The following DCAF1 variants were observed in gnomAD, a reference collection of about 807,000 sequenced individuals.
DCAF1 encodes the protein DDB1 and CUL4 associated factor 1, also known as DDB1- and CUL4-associated factor 1.
DCAF1 carries 15 observed loss-of-function variants against 128.0 expected under a neutral mutation model. That is an observed-to-expected ratio of 0.12 (90% CI 0.08 to 0.18). The LOEUF (loss-of-function observed/expected upper bound fraction) is 0.18, where lower values mean the gene tolerates loss of function less well. DCAF1 is among the 10% of genes least tolerant of loss of function. DCAF1 has a pLI of 1.00. For synonymous variants in DCAF1, 610 were observed against 603.0 expected (o/e 1.01, Z -0.17); for missense variants, 988 against 1,649.5 (o/e 0.60, Z 6.95).
At chr3:51,450,622 G>C (rs782811335) in intron 6 of DCAF1, among the ~76,000 whole-genome samples, 1 of 152,116 alleles carries the variant, frequency 6.6e-6, no homozygotes, top group Non-Finnish European at 1.5e-5. Context: ...AGACTGAAAG[G>C]CTTTCCCTTA....
At chr3:51,438,385 A>G (rs1263460051) in intron 9 of DCAF1, among the ~76,000 whole-genome samples, 1 of 152,228 alleles carries the variant, frequency 6.6e-6, no homozygotes, top group Non-Finnish European at 1.5e-5. Flanking sequence ...CAAAAAAATA[A>G]AACGGCATAG....
intron 6 of DCAF1, among the ~76,000 whole-genome samples, chr3:51,450,201 A>AAT (rs1702221322): frequency 6.6e-6 from 1 of 152,210 alleles, no homozygotes; most frequent in Admixed American, 6.6e-5. Flanking sequence ...AATAAAATAA[A>AAT]GAAGAATTAA....
At chr3:51,416,653 T>C (rs1698906467) in intron 18 of DCAF1, 134 bp downstream of exon 18, 3 of 1,288,704 alleles carry the variant, frequency 2.3e-6, no homozygotes, top group Admixed American at 2.1e-5. Context: ...ATCATACTTT[T>C]AGATTCTAAC....
At chr3:51,436,375 T>C (rs782712216) in intron 9 of DCAF1, 1 of 520,034 alleles carries the variant, frequency 1.9e-6, no homozygotes, top group Non-Finnish European at 3.8e-6. Context: ...ATTCAGATGT[T>C]GCTGCAGTTT....
intron 6 of DCAF1, among the ~76,000 whole-genome samples, chr3:51,461,369 G>C (rs1171182863): frequency 2.0e-5 from 3 of 152,278 alleles, no homozygotes; most frequent in East Asian, 1.9e-4. Flanking sequence ...GAGATACCAT[G>C]TCACACCAGT....
chr3:51,404,364 A>G (rs1234236355), intron 23 of DCAF1, among the ~76,000 whole-genome samples: 3 of 152,264 alleles, frequency 2.0e-5, no homozygotes, highest in Non-Finnish European at 2.9e-5. Context: ...ATGAAATTCA[A>G]GATGGAATAA....
chr3:51,403,518 C>A, intron 23 of DCAF1, 123 bp from the exon 24 acceptor site: 1 of 1,446,828 alleles, frequency 6.9e-7, no homozygotes, highest in Admixed American at 2.5e-5. Context: ...GTGATCTAGA[C>A]GAGCACAGAC....
Position 51,468,587 on chromosome 3 carries a change from G to A in DCAF1, c.188-1711C>T, listed in dbSNP as rs1704388214. 2.6e-5 allele frequency among the ~76,000 whole-genome samples: 4 copies of A among 152,154 alleles called. No homozygotes were observed. The South Asian group carries it at 8.3e-4, about 31-fold the overall frequency. ...AGAGAATGAAGACAAGATGTGAGCT[G>A]CTGCTATGTTTTTACCAAGCTGTTA... On this transcript the variant is annotated intron_variant, in intron 4 of 24. Transcript: ENST00000684031.
intron 3 of DCAF1, among the ~76,000 whole-genome samples, chr3:51,473,526 G>GA (rs1192682517): frequency 9.8e-4 from 84 of 85,502 alleles, no homozygotes; most frequent in Admixed American, 1.4e-3. Context: ...CCAAAAACCA[G>GA]AAAAAAAAAA....
At chr3:51,414,516 T>C (rs991429660) in intron 19 of DCAF1, 108 bp downstream of exon 19, 2 of 1,439,268 alleles carry the variant, frequency 1.4e-6, no homozygotes, top group Non-Finnish European at 1.9e-6. Flanking sequence ...ACCATATTAT[T>C]ACCAGTGTGG....
At chr3:51,484,807 C>T (rs1553654559) in intron 2 of DCAF1, among the ~76,000 whole-genome samples, 1 of 151,234 alleles carries the variant, frequency 6.6e-6, no homozygotes, top group Admixed American at 6.6e-5. Flanking sequence ...CTCAGCCTCC[C>T]GAGTAGCTGG....
chr3:51,457,671 G>A (rs1390999444), intron 6 of DCAF1, among the ~76,000 whole-genome samples: 2 of 151,986 alleles, frequency 1.3e-5, no homozygotes, highest in African/African-American at 2.4e-5. Context: ...GAGAAAGGTC[G>A]GGTTACCCAC....
At position 51,463,242 on chromosome 3, in the gene DCAF1, A is replaced by AAG; in HGVS notation, c.262-17_262-16dup. On this transcript the variant is annotated splice_polypyrimidine_tract_variant and intron_variant, in intron 5 of 24. Transcript: ENST00000684031. ...GCATTCACCAGCTGTAAAGAAAAAA[A>AAG]AGAAATACTGTTCATCTAAAATTCA... is the stretch of plus-strand genomic sequence containing the variant. 6.6e-7 allele frequency: 1 copy of AAG among 1,512,638 alleles called. No individual in the cohort carries two copies. The highest frequency in any genetic ancestry group is 8.9e-7 in the Non-Finnish European group (1 of 1,123,844). 93.7% of individuals were successfully genotyped at this position (1,512,638 alleles called of 1,614,324 possible). A position where few individuals can be genotyped will look rare whatever the true frequency, so the allele number is the denominator to read the frequency against.
At chr3:51,426,371 G>T (rs1699911552) in intron 13 of DCAF1, among the ~76,000 whole-genome samples, 1 of 151,888 alleles carries the variant, frequency 6.6e-6, no homozygotes, top group South Asian at 2.1e-4. Context: ...CACCACCCCC[G>T]GCTAATTTTT....
At chr3:51,473,253 A>G (rs1553649039) in intron 3 of DCAF1, among the ~76,000 whole-genome samples, 1 of 146,066 alleles carries the variant, frequency 6.8e-6, no homozygotes, top group East Asian at 2.0e-4. Context: ...CAAGAGCAAA[A>G]CTCTATCTCA....
intron 23 of DCAF1, among the ~76,000 whole-genome samples, chr3:51,407,158 C>CA (rs1477512198): frequency 0.014 from 1,268 of 88,166 alleles, 43 homozygotes; most frequent in East Asian, 0.017. Flanking sequence ...GACTCCATCT[C>CA]AAAAAAAAAA....
At chr3:51,485,878 A>ATTAT (rs1553655173) in intron 2 of DCAF1, among the ~76,000 whole-genome samples, 13 of 114,088 alleles carry the variant, frequency 1.1e-4, no homozygotes, top group East Asian at 2.6e-4. Flanking sequence ...AATCAAAAAG[A>ATTAT]TTATTTATTT....
At chr3:51,485,364 G>C (rs943189747) in intron 2 of DCAF1, among the ~76,000 whole-genome samples, 9 of 152,220 alleles carry the variant, frequency 5.9e-5, no homozygotes, top group African/African-American at 1.9e-4. Context: ...CTAGAAGAGA[G>C]GCAGAGAAGG....
chr3:51,431,749 G>A (rs1168527502), intron 10 of DCAF1, among the ~76,000 whole-genome samples: 2 of 151,276 alleles, frequency 1.3e-5, no homozygotes, highest in African/African-American at 2.4e-5. Flanking sequence ...TCCAGGCGTC[G>A]GAGACCAGCC....
Sources: allele counts gnomAD v4.1 joint callset (sites outside exome capture counted in the v4.1 genomes callset), GRCh38; gene constraint gnomAD v4.1.1; transcripts MANE v1.5; gene names NCBI Gene and HGNC (gene_info 2026-07-23, HGNC 2026-07-21).